The following SPTBN1 variants were observed in gnomAD, a reference collection of about 807,000 sequenced individuals.
SPTBN1 encodes the protein spectrin beta, non-erythrocytic 1.
Under a neutral mutation model 266.4 loss-of-function variants are expected in SPTBN1, and 32 were observed. The ratio of observed to expected loss-of-function variants is 0.12; its 90% confidence interval spans 0.09 to 0.16. The LOEUF is 0.16. SPTBN1 is among the 10% of genes least tolerant of loss of function. The pLI is 1.00. For missense variants in SPTBN1, 2,296 were observed against 3,067.1 expected (o/e 0.75, Z 5.94); for synonymous variants, 1,336 against 1,162.2 (o/e 1.15, Z -3.04).
intron 2 of SPTBN1, among the ~76,000 whole-genome samples, chr2:54,572,442 G>A (rs997421532): frequency 7.2e-5 from 11 of 152,172 alleles, no homozygotes; most frequent in African/African-American, 2.2e-4. Flanking sequence ...TTTGTTTACA[G>A]AGATAACAGT....
At chr2:54,500,572 G>A (rs1025246224) in intron 1 of SPTBN1, among the ~76,000 whole-genome samples, 3 of 152,122 alleles carry the variant, frequency 2.0e-5, no homozygotes, top group African/African-American at 7.2e-5. Flanking sequence ...TTGAGACAGG[G>A]TCTGGCTCTG....
chr2:54,644,681 A>G (rs1264176260), intron 20 of SPTBN1, 95 bp downstream of exon 20: 1 of 1,480,962 alleles, frequency 6.8e-7, no homozygotes, highest in Non-Finnish European at 9.0e-7. Flanking sequence ...TCAGGAGTCC[A>G]CCTTCCATGG....
chr2:54,546,215 G>A (rs1345975541), intron 2 of SPTBN1, among the ~76,000 whole-genome samples: 2 of 152,118 alleles, frequency 1.3e-5, no homozygotes, highest in African/African-American at 4.8e-5. Flanking sequence ...TTGGTCTGTT[G>A]CTTCATAAGC....
intron 29 of SPTBN1, 28 bp downstream of exon 29, chr2:54,656,026 T>C: frequency 6.4e-7 from 1 of 1,573,176 alleles, no homozygotes; most frequent in Non-Finnish European, 8.7e-7. Context: ...CTTTCTGCTC[T>C]TTTGGGTATC....
chr2:54,665,208 A>G (rs976466076), intron 33 of SPTBN1, among the ~76,000 whole-genome samples: 18 of 152,222 alleles, frequency 1.2e-4, no homozygotes, highest in African/African-American at 4.3e-4. Flanking sequence ...TGCAAAGCCT[A>G]TGTGCTTAAC....
chr2:54,641,357 G>A (rs1021454120), intron 18 of SPTBN1, among the ~76,000 whole-genome samples: 2 of 152,198 alleles, frequency 1.3e-5, no homozygotes, highest in Non-Finnish European at 2.9e-5. Flanking sequence ...GAAAATATGT[G>A]AATGTCCTTG....
chr2:54,504,215 T>C (rs968712840), intron 1 of SPTBN1, among the ~76,000 whole-genome samples: 3 of 152,220 alleles, frequency 2.0e-5, no homozygotes, highest in Non-Finnish European at 4.4e-5. Flanking sequence ...GCAGAGAGGT[T>C]TGTGTAAACA....
At position 54,533,636 on chromosome 2, in the gene SPTBN1, C is replaced by T. The variant is rs556454143; in HGVS notation, c.148+7070C>T. On this transcript the variant is annotated intron_variant, in intron 2 of 35. Coordinates refer to ENST00000356805, the MANE Select transcript of SPTBN1 (RefSeq NM_003128.3). This position sits in a 1 kb window ranked among gnomAD's most constrained non-coding sequence, Gnocchi z 4.2. The stretch of plus-strand genomic sequence containing the variant: ...CGCGATCTTGGCTCACTGCAACCTC[C>T]GCCTCCTGGGTCCAAGTGATTCTCC... 6.6e-6 allele frequency among the ~76,000 whole-genome samples: 1 copy of T among 152,096 alleles called. No individual in the cohort carries two copies. The highest frequency in any genetic ancestry group is 1.5e-5 in the Non-Finnish European group (1 of 68,006).
At chr2:54,506,894 C>CTCTTTT (rs5831310) in intron 1 of SPTBN1, among the ~76,000 whole-genome samples, 5 of 133,478 alleles carry the variant, frequency 3.7e-5, no homozygotes, top group Non-Finnish European at 4.7e-5. Context: ...GGTTCTCTCT[C>CTCTTTT]TTTTTTTTTT....
intron 2 of SPTBN1, among the ~76,000 whole-genome samples, chr2:54,577,204 C>A (rs1674551726): frequency 6.6e-6 from 1 of 152,312 alleles, no homozygotes; most frequent in Non-Finnish European, 1.5e-5. Context: ...TGACCTTGGA[C>A]AAGTGACTTG....
At chr2:54,634,566 C>T (rs1161958512) in intron 17 of SPTBN1, among the ~76,000 whole-genome samples, 4 of 152,106 alleles carry the variant, frequency 2.6e-5, no homozygotes, top group African/African-American at 9.7e-5. Context: ...TTTAATATCC[C>T]CAGAGGCCCA....
chr2:54,485,006 G>C (rs1416932337), intron 1 of SPTBN1, among the ~76,000 whole-genome samples: 1 of 152,174 alleles, frequency 6.6e-6, no homozygotes, highest in Non-Finnish European at 1.5e-5. Flanking sequence ...GTTTATGAAA[G>C]ACAGTGAAGG....
chr2:54,474,751 G>T (rs1489635427), intron 1 of SPTBN1, among the ~76,000 whole-genome samples: 2 of 152,114 alleles, frequency 1.3e-5, no homozygotes, highest in Non-Finnish European at 2.9e-5. Context: ...TAAGGTTTTT[G>T]GGGGAGGGGA....
At chr2:54,495,120 G>T (rs1260744661) in intron 1 of SPTBN1, among the ~76,000 whole-genome samples, 1 of 151,932 alleles carries the variant, frequency 6.6e-6, no homozygotes, top group Non-Finnish European at 1.5e-5. Context: ...AGCTTGAGGC[G>T]AGTGTAGAGA....
chr2:54,657,362 G>GC (rs201202514), intron 29 of SPTBN1, among the ~76,000 whole-genome samples: 1,920 of 151,790 alleles, frequency 0.013, 26 homozygotes, highest in Non-Finnish European at 0.021. Context: ...GTCTCTGAAG[G>GC]CTTAGCTCAT....
intron 1 of SPTBN1, among the ~76,000 whole-genome samples, chr2:54,464,602 A>G (rs1558747897): frequency 6.6e-6 from 1 of 152,232 alleles, no homozygotes; most frequent in Non-Finnish European, 1.5e-5. Flanking sequence ...ATTTCACGGT[A>G]GAGAAGAATG....
intron 2 of SPTBN1, among the ~76,000 whole-genome samples, chr2:54,534,473 A>C (rs1292618317): frequency 6.6e-6 from 1 of 152,240 alleles, no homozygotes; most frequent in Admixed American, 6.5e-5. Flanking sequence ...CAAGTTGTTC[A>C]TGAAAGCTAT....
In SPTBN1 at chr2:54,645,198, C is replaced by A; in HGVS notation, c.4270-31C>A. The A allele has an allele frequency of 6.2e-7, 1 of 1,611,716 alleles. No individual in the cohort carries two copies. ...CAGTCACTGCAAAAGATAGTCTGTG[C>A]TGAGCGCTGAGGCTGCTTCTCTGCC... On this transcript the variant is annotated intron_variant, in intron 20 of 35. Transcript: ENST00000356805. The surrounding 1 kb of genome is among the most constrained non-coding windows in gnomAD (Gnocchi z 4.3).
intron 32 of SPTBN1, chr2:54,662,190 A>T: frequency 1.0e-6 from 1 of 985,442 alleles, no homozygotes; most frequent in Non-Finnish European, 1.2e-6. Context: ...GGATGTGTTC[A>T]CATGTACCCA....
Sources: gnomAD v4.1 joint callset for allele counts (sites outside exome capture counted in the v4.1 genomes callset) on GRCh38, gnomAD v4.1.1 for gene constraint, Gnocchi (gnomAD v3.1) non-coding constraint, MANE v1.5 for transcripts, NCBI Gene and HGNC (gene_info 2026-07-23, HGNC 2026-07-21) for gene names.